Variants in DHX15 observed in about 807,000 individuals in gnomAD.
The protein encoded by DHX15 is DEAH-box helicase 15.
In DHX15, 11 loss-of-function variants were observed where a neutral mutation model predicts 94.4. That is an observed-to-expected ratio of 0.12 (90% CI 0.07 to 0.19). DHX15 has a LOEUF of 0.19. Ranked by LOEUF, DHX15 falls within the 10% of genes least tolerant of loss-of-function variation. DHX15 has a pLI of 1.00. For synonymous variants in DHX15, 338 were observed against 329.9 expected (o/e 1.02, Z -0.27); for missense variants, 304 against 988.5 (o/e 0.31, Z 9.29).
chr4:24,557,246 T>C (rs781210637), intron 3 of DHX15, among the ~76,000 whole-genome samples: 1 of 152,180 alleles, frequency 6.6e-6, no homozygotes, highest in Non-Finnish European at 1.5e-5. Flanking sequence ...GATGTCACTA[T>C]GAAAAACAAC....
At chr4:24,539,658 C>T (rs945119338) in intron 10 of DHX15, 2 of 152,166 alleles carry the variant, frequency 1.3e-5, no homozygotes, top group African/African-American at 2.4e-5. Flanking sequence ...CATGTTTGTT[C>T]GGGTGCCATT....
chr4:24,548,732 T>G, intron 6 of DHX15, 123 bp downstream of exon 6: 1 of 914,030 alleles, frequency 1.1e-6, no homozygotes, highest in Non-Finnish European at 1.6e-6. Flanking sequence ...CAAATGGATA[T>G]TATTTTGTTG....
At chr4:24,547,943 CTATATCT>C (rs1560765973) in intron 6 of DHX15, among the ~76,000 whole-genome samples, 1,160 of 72,066 alleles carry the variant, frequency 0.016, 31 homozygotes, top group African/African-American at 0.049. Context: ...ATATATATAT[CTATATCT>C]ATATCTATAT....
intron 1 of DHX15, among the ~76,000 whole-genome samples, chr4:24,576,962 A>C (rs1012274378): frequency 6.6e-6 from 1 of 152,218 alleles, no homozygotes; most frequent in African/African-American, 2.4e-5. Flanking sequence ...CCTCCTACTT[A>C]GACAACAGAA....
At chr4:24,533,084 A>C (rs558741609) in intron 11 of DHX15, 30 bp from the exon 12 acceptor site, 1 of 1,581,000 alleles carries the variant, frequency 6.3e-7, no homozygotes, top group Non-Finnish European at 8.7e-7. Context: ...GGAGAAAAGA[A>C]GGCACCATGA....
rs1167040054 is a variant in DHX15, at chr4:24,562,117, G to A, written c.702-5707C>T. Among the ~76,000 whole-genome samples the A allele has an allele frequency of 2.6e-5, 3 of 116,290 alleles. No homozygotes were observed. The Admixed American group carries it at 3.4e-4, about 13-fold the overall frequency. The allele number at this position is 116,290 out of a possible 152,430, so 76.3% of individuals were successfully genotyped here. ...GGTCACTGCACTCCAGCCTGGAAGA[G>A]TGAGACACTGTCTCAAAAAAAAAAA... On this transcript the variant is annotated intron_variant, in intron 3 of 13. Transcript: ENST00000336812.
At chr4:24,546,075 C>T (rs1224437739) in intron 6 of DHX15, among the ~76,000 whole-genome samples, 3 of 152,114 alleles carry the variant, frequency 2.0e-5, no homozygotes, top group African/African-American at 7.2e-5. Context: ...ACTTCATTTG[C>T]CCTACCTGAA....
intron 5 of DHX15, among the ~76,000 whole-genome samples, chr4:24,551,615 A>G (rs1186586605): frequency 1.3e-5 from 2 of 152,212 alleles, no homozygotes; most frequent in Non-Finnish European, 2.9e-5. Flanking sequence ...AATATAACAA[A>G]GCGAACAAAT....
In DHX15 at chr4:24,574,335, G is replaced by T. The variant is rs75974953; in HGVS notation, c.507+1908C>A. Among the ~76,000 whole-genome samples, 584 of 151,926 alleles carry T rather than the reference G, an allele frequency of 3.8e-3. 8 individuals carry two copies. The highest frequency in any genetic ancestry group is 0.013 in the African/African-American group (559 of 41,434). ...TTGAGTCAAAGTTTAATAAGAGCAT[G>T]CTAGGAAACATTTGAATGAAATTCA... On this transcript the variant is annotated intron_variant, in intron 2 of 13. Transcript: ENST00000336812.
rs1377705053 is a variant in DHX15, at chr4:24,529,524, C to T, written c.2270+77G>A. 6 of 1,285,674 alleles carry T rather than the reference C, an allele frequency of 4.7e-6. No individual in the cohort carries two copies. The African/African-American group carries it at 5.9e-5, about 13-fold the overall frequency. The allele number at this position is 1,285,674 out of a possible 1,614,324, so 79.6% of individuals were successfully genotyped here. ...AATTCTCAATGAGTGAATGCAAGGC[C>T]ATGACTCTAGCAACAGTCAGGTTCC... On this transcript the variant is annotated intron_variant, in intron 13 of 13. Transcript: ENST00000336812.
In DHX15 at chr4:24,527,996, T is replaced by G; in HGVS notation, c.2316A>C (p.Pro772=). ...CCAACTGTCTCTTTGCTTCACACTG[T>G]GGGAAATTGCTCATGTCATAATATT... The part of the protein sequence containing the change: ...APQYYDMSNF[P]QCEAKRQLDR... Residue 772 remains proline, a synonymous_variant, in exon 14 of 14, where the codon CCA becomes CCC. Transcript: ENST00000336812. 1 of 1,614,052 alleles carries G rather than the reference T, an allele frequency of 6.2e-7. No individual in the cohort carries two copies. The highest frequency in any genetic ancestry group is 1.1e-5 in the South Asian group (1 of 91,076).
intron 1 of DHX15, among the ~76,000 whole-genome samples, chr4:24,581,511 G>A (rs773830843): frequency 3.9e-5 from 6 of 152,198 alleles, no homozygotes; most frequent in Non-Finnish European, 5.9e-5. Flanking sequence ...ATCCAAAGAT[G>A]GAGATGAAGA....
chr4:24,538,851 G>GTA (rs773803260), intron 10 of DHX15: 1 of 152,102 alleles, frequency 6.6e-6, no homozygotes, highest in Non-Finnish European at 1.5e-5. Context: ...AATCATGTAA[G>GTA]TATATCTGAT....
At position 24,576,097 on chromosome 4, in the gene DHX15, TTCAGAGTGCCA is replaced by T; in HGVS notation, c.507+135_507+145del. On this transcript the variant is annotated intron_variant, in intron 2 of 13. Transcript: ENST00000336812. ...TCTCTATAGGATTTCCACTCTGAAA[TTCAGAGTGCCA>T]ATTAAACATCAAATCAGCTATTCTT... 2.4e-5 allele frequency: 16 copies of T among 658,036 alleles called. No individual in the cohort carries two copies. In the South Asian group the frequency reaches 3.1e-4, roughly 13 times the overall value. The allele number at this position is 658,036 out of a possible 1,614,324, so 40.8% of individuals were successfully genotyped here.
chr4:24,557,421 A>G (rs983599934), intron 3 of DHX15, among the ~76,000 whole-genome samples: 5 of 152,120 alleles, frequency 3.3e-5, no homozygotes, highest in Non-Finnish European at 7.4e-5. Context: ...TCTTTTTATG[A>G]TTAGTCTAAC....
chr4:24,538,994 A>G (rs1721254083), intron 10 of DHX15: 1 of 152,152 alleles, frequency 6.6e-6, no homozygotes, highest in African/African-American at 2.4e-5. Flanking sequence ...AAAACAACAT[A>G]TAAGAAAGGC....
At chr4:24,584,262 G>C in intron 1 of DHX15, 61 bp downstream of exon 1, 1 of 1,530,442 alleles carries the variant, frequency 6.5e-7, no homozygotes, top group Non-Finnish European at 8.8e-7. Context: ...GCCCCGGCCC[G>C]CTCCCTGCCA....
In DHX15 at chr4:24,532,958, T is replaced by C. The variant is rs1224534265; in HGVS notation, c.2006A>G (p.Asp669Gly). The C allele has an allele frequency of 6.2e-7, 1 of 1,614,024 alleles. No individual in the cohort carries two copies. Among genetic ancestry groups the C allele is most frequent in the Non-Finnish European group, 8.5e-7 (1 of 1,179,930 alleles). ...ACTTCGACGAGGCAAATTAAATCTG[T>C]CCATAATTCGAGATAGCTGCTGGCG... ...NVRQQLSRIMDRFNLPRRSTD... is the reference protein window; with the variant it reads ...NVRQQLSRIMGRFNLPRRSTD... Residue 669 changes from aspartate to glycine, a missense_variant, in exon 12 of 14, where the codon GAC becomes GGC. Asp to Gly is a moderately conservative substitution (Grantham distance 94, BLOSUM62 -1). Transcript: ENST00000336812.
At chr4:24,568,048 T>G (rs1224939614) in intron 3 of DHX15, among the ~76,000 whole-genome samples, 2 of 152,192 alleles carry the variant, frequency 1.3e-5, no homozygotes, top group Non-Finnish European at 2.9e-5. Context: ...TCCCAAACAC[T>G]GAAGAAACTA....
Sources: allele counts gnomAD v4.1 joint callset (sites outside exome capture counted in the v4.1 genomes callset), GRCh38; gene constraint gnomAD v4.1.1; transcripts MANE v1.5; gene names NCBI Gene and HGNC (gene_info 2026-07-23, HGNC 2026-07-21).